The following SLC4A8 variants were observed in gnomAD, a reference collection of about 807,000 sequenced individuals.
SLC4A8 encodes electroneutral sodium bicarbonate exchanger 1.
SLC4A8 carries 40 observed loss-of-function variants against 125.0 expected under a neutral mutation model. The ratio of observed to expected loss-of-function variants is 0.32; its 90% CI spans 0.25 to 0.42. The LOEUF is 0.42. SLC4A8 is among the 10% of genes least tolerant of loss of function. SLC4A8 has a pLI of 1.00. For synonymous variants in SLC4A8, 456 were observed against 476.0 expected, an observed-to-expected ratio of 0.96 and a Z score of 0.55; for missense variants, 863 against 1,355.1, an observed-to-expected ratio of 0.64 and a Z score of 5.70.
intron 1 of SLC4A8, among the ~76,000 whole-genome samples, chr12:51,419,030 A>C (rs1322491259): frequency 6.6e-6 from 1 of 152,200 alleles, no homozygotes; most frequent in Non-Finnish European, 1.5e-5. Flanking sequence ...GTCAGTTCTA[A>C]AGAAGATTCA....
At chr12:51,487,514 T>C (rs1951192127) in intron 17 of SLC4A8, among the ~76,000 whole-genome samples, 1 of 152,246 alleles carries the variant, frequency 6.6e-6, no homozygotes, top group Non-Finnish European at 1.5e-5. Flanking sequence ...CAGTCTGTGC[T>C]TTGTTTCTTG....
At chr12:51,501,680 G>T (rs1000938979) in intron 22 of SLC4A8, 4 of 152,164 alleles carry the variant, frequency 2.6e-5, no homozygotes, top group African/African-American at 9.7e-5. Context: ...CAAGTAATGG[G>T]ATTGTTGGGT....
At chr12:51,443,586 C>G (rs745898715) in intron 2 of SLC4A8, among the ~76,000 whole-genome samples, 38 of 152,070 alleles carry the variant, frequency 2.5e-4, no homozygotes, top group Non-Finnish European at 4.6e-4. Context: ...TTTTTCCTGG[C>G]AGATCATTAT....
In SLC4A8 at chr12:51,508,297, C is replaced by T. The variant is rs1938250618; in HGVS notation, c.*859C>T. 1 of 152,432 alleles carries T rather than the reference C, an allele frequency of 6.6e-6. No individual in the cohort carries two copies. Among genetic ancestry groups the T allele is most frequent in the African/African-American group, 2.4e-5 (1 of 41,440 alleles). 9.4% of individuals were successfully genotyped at this position (152,432 alleles called of 1,614,324 possible). On this transcript the variant is annotated 3_prime_UTR_variant, in exon 25 of 25. Coordinates refer to ENST00000453097, the MANE Select transcript of SLC4A8 (RefSeq NM_001039960.3). Reference sequence around the variant, plus strand: ...TTAGTTTAGATACCAGGAAGAACTTCCTAGCCTGAAGATTTGTCATAGTGT... The same window carrying T: ...TTAGTTTAGATACCAGGAAGAACTTTCTAGCCTGAAGATTTGTCATAGTGT...
intron 4 of SLC4A8, 97 bp downstream of exon 4, chr12:51,452,356 GAGA>G (rs1420147245): frequency 7.2e-7 from 1 of 1,384,690 alleles, no homozygotes; most frequent in Non-Finnish European, 1.0e-6. Context: ...TTCTTCTTGG[GAGA>G]AGCTGTGACT....
At chr12:51,443,894 A>G (rs563813745) in intron 2 of SLC4A8, among the ~76,000 whole-genome samples, 5 of 152,296 alleles carry the variant, frequency 3.3e-5, no homozygotes, top group South Asian at 2.1e-4. Flanking sequence ...CGTCAAACCT[A>G]TGGTTCCTGT....
chr12:51,400,992 A>T (rs1244535015), intron 1 of SLC4A8, among the ~76,000 whole-genome samples: 1 of 151,352 alleles, frequency 6.6e-6, no homozygotes, highest in African/African-American at 2.4e-5. Flanking sequence ...GGAGTGCAAC[A>T]AGGGGAGTGG....
rs1047162349 is a variant in SLC4A8 at position 51,513,799 on chromosome 12, T to C, written c.*6361T>C. 10 of 152,210 alleles carry C rather than the reference T, an allele frequency of 6.6e-5. No individual in the cohort carries two copies. The highest frequency in any genetic ancestry group is 5.9e-4 in the Admixed American group (9 of 15,280). The allele number at this position is 152,210 out of a possible 1,614,324, so 9.4% of individuals were successfully genotyped here. A position where few individuals can be genotyped will look rare whatever the true frequency, so the allele number is the denominator to read the frequency against. On this transcript the variant is annotated 3_prime_UTR_variant, in exon 25 of 25. Coordinates refer to ENST00000453097, the MANE Select transcript of SLC4A8 (RefSeq NM_001039960.3). ...TCACAAATGTTTGATAAAATTCTGG[T>C]ATGTGCTAAGTCCCAGGCTTGGTTG...
At chr12:51,401,403 G>C (rs138401554) in intron 1 of SLC4A8, among the ~76,000 whole-genome samples, 6 of 152,330 alleles carry the variant, frequency 3.9e-5, no homozygotes, top group Admixed American at 1.3e-4. Context: ...GGGAGATGGA[G>C]TGGAAAGGTG....
intron 18 of SLC4A8, 149 bp downstream of exon 18, chr12:51,489,009 T>C (rs1951232758): frequency 1.6e-6 from 1 of 641,462 alleles, no homozygotes; most frequent in African/African-American, 1.8e-5. Flanking sequence ...AAAGATTTCT[T>C]TGGAGATTAG....
upstream of SLC4A8, among the ~76,000 whole-genome samples, chr12:51,424,052 AACAAAAAAAAC>A (rs1445637083): frequency 0.054 from 2,554 of 46,864 alleles, 123 homozygotes; most frequent in African/African-American, 0.12. Context: ...AAAAAAAAAA[AACAAAAAAAAC>A]AACAAAAAAA....
intron 5 of SLC4A8, among the ~76,000 whole-genome samples, chr12:51,456,244 G>A (rs7977960): frequency 0.48 from 73,505 of 151,740 alleles, 18,106 homozygotes; most frequent in Non-Finnish European, 0.53. Context: ...CAAGATGAAG[G>A]GTCCTGAAGC....
chr12:51,424,070 A>AC (rs1948879267), upstream of SLC4A8, among the ~76,000 whole-genome samples: 1 of 140,092 alleles, frequency 7.1e-6, no homozygotes, highest in African/African-American at 2.9e-5. Flanking sequence ...AAACAACAAA[A>AC]AAAAAACAAA....
At chr12:51,441,174 A>G in intron 2 of SLC4A8, 1 of 985,362 alleles carries the variant, frequency 1.0e-6, no homozygotes, top group Non-Finnish European at 1.2e-6. Context: ...TAGTTTTAAA[A>G]ACTCATTTTG....
At chr12:51,472,713 C>T (rs1271933563) in intron 14 of SLC4A8, among the ~76,000 whole-genome samples, 4 of 152,080 alleles carry the variant, frequency 2.6e-5, no homozygotes, top group South Asian at 2.1e-4. Flanking sequence ...TGACCAGCCC[C>T]GGATTGAGTA....
intron 7 of SLC4A8, among the ~76,000 whole-genome samples, 196 bp downstream of exon 7, chr12:51,458,846 A>G (rs1182386043): frequency 6.6e-6 from 1 of 152,200 alleles, no homozygotes; most frequent in Non-Finnish European, 1.5e-5. Flanking sequence ...AGCTGACTCA[A>G]CAGTTTCTTT....
At chr12:51,481,690 C>T (rs1951031109) in intron 16 of SLC4A8, among the ~76,000 whole-genome samples, 1 of 152,048 alleles carries the variant, frequency 6.6e-6, no homozygotes, top group African/African-American at 2.4e-5. Flanking sequence ...GGCCTGTAAT[C>T]CCAGCACTTT....
intron 24 of SLC4A8, among the ~76,000 whole-genome samples, chr12:51,506,269 A>G (rs1369079176): frequency 6.6e-6 from 1 of 152,244 alleles, no homozygotes; most frequent in Non-Finnish European, 1.5e-5. Context: ...TACTGCAACC[A>G]CACAAAGTAG....
chr12:51,461,127 C>T, intron 8 of SLC4A8, 77 bp from the exon 9 acceptor site: 1 of 664,888 alleles, frequency 1.5e-6, no homozygotes, highest in Non-Finnish European at 2.7e-6. Flanking sequence ...AGAGAGAAAT[C>T]TTATACTGTT....
Sources: gnomAD v4.1 joint callset for allele counts (sites outside exome capture counted in the v4.1 genomes callset) on GRCh38, gnomAD v4.1.1 for gene constraint, MANE v1.5 for transcripts, NCBI Gene and HGNC (gene_info 2026-07-23, HGNC 2026-07-21) for gene names.